The following LHPP variants were observed in gnomAD, a reference collection of about 807,000 sequenced individuals.
The protein encoded by LHPP is hLHPP.
In LHPP, 24 loss-of-function variants were observed where a neutral mutation model predicts 30.3. The observed-to-expected ratio is 0.79, with a 90% CI of 0.57 to 1.11. LHPP has a LOEUF of 1.11. LHPP is among the 50% of genes most tolerant of loss of function. The pLI, the probability that LHPP is intolerant of heterozygous loss-of-function variation, is 0.00. For synonymous variants in LHPP, 150 were observed against 157.1 expected, an observed-to-expected ratio of 0.95 and a Z score of 0.34; for missense variants, 356 against 367.2, an observed-to-expected ratio of 0.97 and a Z score of 0.25.
chr10:124,483,873 G>A (rs976260182), intron 1 of LHPP, among the ~76,000 whole-genome samples: 4 of 152,042 alleles, frequency 2.6e-5, no homozygotes, highest in South Asian at 2.1e-4. Flanking sequence ...GGGGAACCTC[G>A]GGGAGCCTCA....
chr10:124,493,493 ATC>A (rs1215988355), intron 3 of LHPP, among the ~76,000 whole-genome samples: 1 of 152,168 alleles, frequency 6.6e-6, no homozygotes, highest in Admixed American at 6.5e-5. Flanking sequence ...TACATTTGGC[ATC>A]TGTTTGGACC....
intron 4 of LHPP, among the ~76,000 whole-genome samples, 165 bp from the exon 5 acceptor site, chr10:124,497,871 G>C (rs1321479211): frequency 6.6e-6 from 1 of 152,130 alleles, no homozygotes; most frequent in Admixed American, 6.5e-5. Context: ...GCCCTTTCTG[G>C]AGTTGTGAGG....
rs778187813 is a variant in LHPP at position 124,590,333 on chromosome 10, C to T, written c.717-22931C>T. On this transcript the variant is annotated intron_variant, in intron 6 of 6. Transcript: ENST00000368842. The surrounding 1 kb of genome is among the most constrained non-coding windows in gnomAD (Gnocchi z 4.3). ...TCCCACCCTCGACTGCGGGGAAGTG[C>T]TGGAACCCTCCGCACGAGGGCAACC... Among the ~76,000 whole-genome samples, 3 of 152,204 alleles carry T rather than the reference C, an allele frequency of 2.0e-5. No individual in the cohort carries two copies. Among genetic ancestry groups the T allele is most frequent in the Admixed American group, 1.3e-4 (2 of 15,290 alleles).
intron 5 of LHPP, among the ~76,000 whole-genome samples, chr10:124,513,966 C>T (rs1954384242): frequency 6.6e-6 from 1 of 152,222 alleles, no homozygotes; most frequent in African/African-American, 2.4e-5. Context: ...TGTCCAGACA[C>T]AGCCAGCCGT....
intron 6 of LHPP, among the ~76,000 whole-genome samples, chr10:124,557,531 A>C (rs1486183347): frequency 6.6e-6 from 1 of 152,238 alleles, no homozygotes; most frequent in Non-Finnish European, 1.5e-5. Context: ...CCAAATCCCC[A>C]TATCCTCAGG....
chr10:124,554,433 T>C (rs1042723837), intron 6 of LHPP, among the ~76,000 whole-genome samples: 2 of 152,232 alleles, frequency 1.3e-5, no homozygotes, highest in African/African-American at 4.8e-5. Context: ...TGGGCTCAAG[T>C]GATCCTCCTG....
chr10:124,608,500 G>A (rs994361809), intron 6 of LHPP, among the ~76,000 whole-genome samples: 8 of 152,218 alleles, frequency 5.3e-5, no homozygotes, highest in African/African-American at 1.7e-4. Flanking sequence ...TTATGACCTC[G>A]GTCTAGAGGC....
intron 6 of LHPP, among the ~76,000 whole-genome samples, chr10:124,600,200 G>A (rs1563283): frequency 9.2e-5 from 14 of 152,222 alleles, no homozygotes; most frequent in African/African-American, 1.2e-4. Context: ...GCGGCCCCTC[G>A]CAGTGATGGG....
intron 6 of LHPP, among the ~76,000 whole-genome samples, chr10:124,553,296 A>G (rs1948213683): frequency 6.6e-6 from 1 of 152,216 alleles, no homozygotes; most frequent in Admixed American, 6.5e-5. Flanking sequence ...GAGCTGGGAC[A>G]GAACCCAAGT....
At chr10:124,512,974 G>A (rs1313269793) in intron 5 of LHPP, among the ~76,000 whole-genome samples, 1 of 152,176 alleles carries the variant, frequency 6.6e-6, no homozygotes, top group Non-Finnish European at 1.5e-5. Flanking sequence ...CCCTGGCTTG[G>A]GCATGCTTCA....
intron 1 of LHPP, among the ~76,000 whole-genome samples, chr10:124,481,131 CTCCTGGAGCTCGTAGG>C (rs1316755229): frequency 2.0e-5 from 3 of 152,096 alleles, no homozygotes; most frequent in Non-Finnish European, 4.4e-5. Flanking sequence ...CATCCCTGAA[CTCCTGGAGCTCGTAGG>C]CCAGTGAGAA....
intron 3 of LHPP, chr10:124,493,834 G>T (rs1214607944): frequency 2.0e-5 from 3 of 152,066 alleles, no homozygotes; most frequent in Non-Finnish European, 4.4e-5. Context: ...CTAGTGTGTG[G>T]AGATTACCGG....
chr10:124,502,371 C>T (rs1589801410), intron 5 of LHPP, among the ~76,000 whole-genome samples: 1 of 147,290 alleles, frequency 6.8e-6, no homozygotes, highest in Non-Finnish European at 1.5e-5. Context: ...CAGTAATTAT[C>T]TTTTTTTTTT....
chr10:124,494,222 A>G (rs894874217), intron 3 of LHPP, among the ~76,000 whole-genome samples: 1 of 152,112 alleles, frequency 6.6e-6, no homozygotes, highest in African/African-American at 2.4e-5. Flanking sequence ...GGCCAGAGGA[A>G]GTGGCGCCGC....
chr10:124,602,758 C>A (rs10794161), intron 6 of LHPP, among the ~76,000 whole-genome samples: 89,510 of 151,976 alleles, frequency 0.59, 26,529 homozygotes, highest in East Asian at 0.68. Context: ...GTTCAGTTAG[C>A]CCAGCCCTGC....
rs2133814038 is a variant in LHPP at position 124,469,014 on chromosome 10, G to A, written c.125+7027G>A. Among the ~76,000 whole-genome samples the A allele has an allele frequency of 1.3e-5, 2 of 152,362 alleles. 1 individual carries two copies. The highest frequency in any genetic ancestry group is 4.1e-4 in the South Asian group (2 of 4,830). On this transcript the variant is annotated intron_variant, in intron 1 of 6. Transcript: ENST00000368842. ...GGTGATTGAGCCGGGAAGCCTTCAT[G>A]GAGCAGGCCCTACTTGCCCAGGTGA...
At chr10:124,597,795 GC>G (rs1948968528) in intron 6 of LHPP, among the ~76,000 whole-genome samples, 1 of 152,350 alleles carries the variant, frequency 6.6e-6, no homozygotes, top group East Asian at 1.9e-4. Flanking sequence ...GGGGGATCTG[GC>G]CGTTGGAGTG....
chr10:124,501,266 G>A (rs541993108), intron 5 of LHPP, among the ~76,000 whole-genome samples: 24 of 152,012 alleles, frequency 1.6e-4, no homozygotes, highest in African/African-American at 5.6e-4. Flanking sequence ...AATGGGGAGT[G>A]CAGCTTCAGG....
chr10:124,568,672 G>A (rs1948534253), intron 6 of LHPP, among the ~76,000 whole-genome samples: 1 of 152,214 alleles, frequency 6.6e-6, no homozygotes, highest in Non-Finnish European at 1.5e-5. Context: ...TGCAATGGGC[G>A]TGTGCTGGCA....
Sources: allele counts gnomAD v4.1 joint callset (sites outside exome capture counted in the v4.1 genomes callset), GRCh38; gene constraint gnomAD v4.1.1; non-coding constraint Gnocchi (gnomAD v3.1); transcripts MANE v1.5; gene names NCBI Gene and HGNC (gene_info 2026-07-23, HGNC 2026-07-21).